The following NAPA variants were observed in gnomAD, a reference collection of about 807,000 sequenced individuals.
The protein encoded by NAPA is alpha-soluble NSF attachment protein.
In NAPA, 18 loss-of-function variants were observed where a neutral mutation model predicts 48.0. That is an observed-to-expected ratio of 0.38 (90% CI 0.26 to 0.56). The LOEUF (loss-of-function observed/expected upper bound fraction) is 0.56, where lower values mean the gene tolerates loss of function less well. Among genes scored for constraint, NAPA ranks in the 20% least tolerant of loss-of-function variants. NAPA has a pLI of 0.77. For synonymous variants in NAPA, 152 were observed against 149.9 expected (o/e 1.01, Z -0.10); for missense variants, 315 against 385.0 (o/e 0.82, Z 1.52).
Position 47,506,907 on chromosome 19 carries a change from G to A in NAPA, c.99-3405C>T, listed in dbSNP as rs1477286194. ...GAAATGGGAGTGAAGTCCCCAAAGG[G>A]GGAAAGTGACGTGCCTAGGTTCCAG... On this transcript the variant is annotated intron_variant, in intron 1 of 10. Transcript: ENST00000263354. This position sits in a 1 kb window ranked among gnomAD's most constrained non-coding sequence, Gnocchi z 4.0. 1.3e-5 allele frequency: 2 copies of A among 152,248 alleles called. No homozygotes were observed. The highest frequency in any genetic ancestry group is 6.5e-5 in the Admixed American group (1 of 15,288). The allele number at this position is 152,248 out of a possible 1,614,324, so 9.4% of individuals were successfully genotyped here. A position where few individuals can be genotyped will look rare whatever the true frequency, so the allele number is the denominator to read the frequency against.
At chr19:47,507,265 C>T (rs1968711216) in intron 1 of NAPA, among the ~76,000 whole-genome samples, 1 of 152,198 alleles carries the variant, frequency 6.6e-6, no homozygotes, top group South Asian at 2.1e-4. Context: ...AGGAAGGAGT[C>T]TCAGGTCTCC....
At chr19:47,504,282 C>G (rs1043531287) in intron 1 of NAPA, among the ~76,000 whole-genome samples, 3 of 151,178 alleles carry the variant, frequency 2.0e-5, no homozygotes, top group Non-Finnish European at 4.4e-5. Flanking sequence ...GTAGTCCTAG[C>G]TACTAGAGAG....
intron 1 of NAPA, among the ~76,000 whole-genome samples, chr19:47,504,239 CA>C (rs1231897246): frequency 1.3e-5 from 2 of 151,648 alleles, no homozygotes; most frequent in Non-Finnish European, 2.9e-5. Flanking sequence ...ACAAAAAATA[CA>C]AAAAATTAGC....
chr19:47,503,328 G>A, intron 2 of NAPA, 95 bp downstream of exon 2: 1 of 1,099,020 alleles, frequency 9.1e-7, no homozygotes, highest in Non-Finnish European at 1.4e-6. Flanking sequence ...CAAAGAGAAA[G>A]GGCCCTCAAG....
At chr19:47,511,498 T>C (rs879263299) in intron 1 of NAPA, among the ~76,000 whole-genome samples, 14 of 152,136 alleles carry the variant, frequency 9.2e-5, no homozygotes, top group Non-Finnish European at 1.5e-4. Context: ...AAAACAGCCA[T>C]GGGAGGACAG....
chr19:47,487,228 G>A (rs1214587063), downstream of NAPA, among the ~76,000 whole-genome samples: 1 of 152,196 alleles, frequency 6.6e-6, no homozygotes, highest in East Asian at 1.9e-4. Flanking sequence ...TGTCACCGGG[G>A]CGTTCAGCCT....
intron 4 of NAPA, chr19:47,495,144 G>A (rs1402820159): frequency 2.0e-5 from 4 of 204,526 alleles, no homozygotes; most frequent in East Asian, 1.2e-4. Context: ...TAGGACCCCA[G>A]GTGCATGCCA....
In NAPA at chr19:47,514,855, GAGA is replaced by G. The variant is rs760353871; in HGVS notation, c.83_85del (p.Phe28del). ...GCCCGGTTCTCACCCAAAGAGGCCA[GAGA>G]AGAAGGACTGCGAGTTCTTCACTTT... On this transcript the variant is annotated inframe_deletion, in exon 1 of 11. Transcript: ENST00000263354. The G allele has an allele frequency of 2.4e-5, 39 of 1,614,000 alleles. No homozygotes were observed. The highest frequency in any genetic ancestry group is 6.7e-5 in the East Asian group (3 of 44,886).
chr19:47,513,739 C>T (rs544493176), intron 1 of NAPA, among the ~76,000 whole-genome samples: 1 of 151,790 alleles, frequency 6.6e-6, no homozygotes, highest in African/African-American at 2.4e-5. Flanking sequence ...CCCTGTCTCT[C>T]CCTGTTATCC....
chr19:47,493,408 C>T lies in NAPA; in HGVS notation c.420+8G>A. The T allele has an allele frequency of 6.2e-7, 1 of 1,613,830 alleles. No homozygotes were observed. Among genetic ancestry groups the T allele is most frequent in the Non-Finnish European group, 8.5e-7 (1 of 1,179,816 alleles). On this transcript the variant is annotated splice_region_variant and intron_variant, in intron 5 of 10. Coordinates refer to ENST00000263354, the MANE Select transcript of NAPA (RefSeq NM_003827.4). This position sits in a 1 kb window ranked among gnomAD's most constrained non-coding sequence, Gnocchi z 6.4. ...TGCCAGCCCATGCAGGGCCCTGCTG[C>T]CACTCACCTTCTCGATGTCCACCAA... is the stretch of plus-strand genomic sequence containing the variant.
chr19:47,495,288 C>T, intron 4 of NAPA: 2 of 548,874 alleles, frequency 3.6e-6, no homozygotes, highest in Non-Finnish European at 6.5e-6. Context: ...GCCACCCTGC[C>T]CAGCTCAATA....
chr19:47,500,639 G>A lies in NAPA; in HGVS notation c.289C>T (p.Pro97Ser), dbSNP rs1191112864. The A allele has an allele frequency of 1.2e-6, 2 of 1,608,304 alleles. No individual in the cohort carries two copies. The highest frequency in any genetic ancestry group is 1.7e-6 in the Non-Finnish European group (2 of 1,177,214). The change falls in exon 3 of 11, where the codon CCC becomes TCC. Residue 97 changes from proline to serine, a missense_variant. This residue lies in a region of NAPA where 173 missense variants were observed against 213.5 expected (regional missense o/e 0.81). Transcript: ENST00000263354. The part of the protein sequence containing the change: ...DAGNAFKKAD[P>S]QEAINCLMRA... The stretch of plus-strand genomic sequence containing the variant: ...GGCCCGCAGAGGCCCTCACCTTGGG[G>A]GTCGGCTTTCTTGAATGCGTTGCCA...
At chr19:47,507,493 GT>G (rs1411754840) in intron 1 of NAPA, among the ~76,000 whole-genome samples, 3 of 152,140 alleles carry the variant, frequency 2.0e-5, no homozygotes, top group Non-Finnish European at 4.4e-5. Context: ...ACGAGGCAGG[GT>G]GGACAAAGTC....
intron 10 of NAPA, chr19:47,488,665 AT>A (rs1189579752): frequency 4.8e-6 from 1 of 206,526 alleles, no homozygotes; most frequent in African/African-American, 2.3e-5. Flanking sequence ...CACGCCTGTA[AT>A]ACCAGCACTT....
chr19:47,504,481 G>A (rs905745373), intron 1 of NAPA, among the ~76,000 whole-genome samples: 7 of 151,566 alleles, frequency 4.6e-5, no homozygotes, highest in Admixed American at 4.6e-4. Flanking sequence ...ATATTTCTGG[G>A]CAAATACACA....
chr19:47,514,709 G>T, intron 1 of NAPA, 134 bp downstream of exon 1: 1 of 811,802 alleles, frequency 1.2e-6, no homozygotes, highest in Non-Finnish European at 2.0e-6. Context: ...GCCGCCTCAG[G>T]CCATGTCACC....
chr19:47,506,658 G>A lies in NAPA; in HGVS notation c.99-3156C>T, dbSNP rs1465924030. On this transcript the variant is annotated intron_variant, in intron 1 of 10. Coordinates refer to ENST00000263354, the MANE Select transcript of NAPA (RefSeq NM_003827.4). The surrounding 1 kb of genome is among the most constrained non-coding windows in gnomAD (Gnocchi z 4.0). The stretch of plus-strand genomic sequence containing the variant: ...AGCCCAGCCGGGTTTATTTCAGGAC[G>A]GACACAAAGCCTACCAGCTGCCCGG... Among the ~76,000 whole-genome samples the A allele has an allele frequency of 6.6e-6, 1 of 152,208 alleles. No individual in the cohort carries two copies. The highest frequency in any genetic ancestry group is 1.5e-5 in the Non-Finnish European group (1 of 68,040).
chr19:47,488,105 G>A lies in NAPA; in HGVS notation c.*183C>T. On this transcript the variant is annotated 3_prime_UTR_variant, in exon 11 of 11. Coordinates refer to ENST00000263354, the MANE Select transcript of NAPA (RefSeq NM_003827.4). ...AAGGGATGTAGCGAGAACAGAGGGT[G>A]ACTGTCCGGCCAGCAGCCTGGGCCT... is the stretch of plus-strand genomic sequence containing the variant. 1.7e-6 allele frequency: 1 copy of A among 581,086 alleles called. No individual in the cohort carries two copies. The highest frequency in any genetic ancestry group is 3.1e-6 in the Non-Finnish European group (1 of 323,498). 36.0% of individuals were successfully genotyped at this position (581,086 alleles called of 1,614,324 possible). A position where few individuals can be genotyped will look rare whatever the true frequency, so the allele number is the denominator to read the frequency against.
At chr19:47,500,535 T>G in intron 3 of NAPA, 98 bp downstream of exon 3, 1 of 1,001,822 alleles carries the variant, frequency 1.0e-6, no homozygotes, top group South Asian at 1.9e-5. Flanking sequence ...TGTCGGCCAC[T>G]GGAAAAACCA....
Sources: gnomAD v4.1 joint callset for allele counts (sites outside exome capture counted in the v4.1 genomes callset) on GRCh38, gnomAD v4.1.1 for gene constraint, gnomAD v4.1.1 regional missense constraint, Gnocchi (gnomAD v3.1) non-coding constraint, MANE v1.5 for transcripts, NCBI Gene and HGNC (gene_info 2026-07-23, HGNC 2026-07-21) for gene names.